The following VEPH1 variants were observed in gnomAD, a reference collection of about 807,000 sequenced individuals.
VEPH1 encodes ventricular zone-expressed PH domain-containing protein homolog 1.
A neutral mutation model predicts 85.2 loss-of-function variants in VEPH1; 80 were observed. The ratio of observed to expected loss-of-function variants is 0.94; its 90% CI spans 0.78 to 1.13. The LOEUF (loss-of-function observed/expected upper bound fraction) is 1.13, where lower values mean the gene tolerates loss of function less well. VEPH1 is among the 50% of genes most tolerant of loss of function. VEPH1 has a pLI of 0.00. For missense variants in VEPH1, 955 were observed against 980.5 expected, an observed-to-expected ratio of 0.97 and a Z score of 0.35; for synonymous variants, 297 against 348.0, an observed-to-expected ratio of 0.85 and a Z score of 1.63.
intron 2 of VEPH1, among the ~76,000 whole-genome samples, chr3:157,484,218 T>C (rs1216135040): frequency 6.6e-6 from 1 of 152,150 alleles, no homozygotes; most frequent in Non-Finnish European, 1.5e-5. Context: ...TTATTCAAAA[T>C]TAAGGGCAAA....
At chr3:157,363,205 A>AG (rs1210137583) in intron 9 of VEPH1, 159 bp downstream of exon 9, 1 of 658,388 alleles carries the variant, frequency 1.5e-6, no homozygotes, top group East Asian at 3.1e-5. Flanking sequence ...TTCTTGGGAA[A>AG]AAAAAAAAAA....
At position 157,261,249 on chromosome 3, in the gene VEPH1, G is replaced by A. The variant is rs757653945; in HGVS notation, c.2387C>T (p.Thr796Ile). Residue 796 changes from threonine (T) to isoleucine (I), a missense_variant, in exon 14 of 14, where the codon ACC becomes ATC. By Grantham distance (89) the Thr-to-Ile change is moderately conservative. Transcript: ENST00000362010. ...CTCATCCTTGGCCTTAAAGACATAG[G>A]TTTTATTGTCTGTGAAGATTTCGAA... ...RAFEIFTDNK[T>I]YVFKAKDEKN... is the part of the protein sequence containing the mutation. 6.2e-7 allele frequency: 1 copy of A among 1,613,754 alleles called. No individual in the cohort carries two copies. Among genetic ancestry groups the A allele is most frequent in the South Asian group, 1.1e-5 (1 of 91,086 alleles).
chr3:157,268,870 C>G (rs948049817), intron 12 of VEPH1, among the ~76,000 whole-genome samples: 1 of 152,182 alleles, frequency 6.6e-6, no homozygotes, highest in African/African-American at 2.4e-5. Context: ...ACCTCAGCCT[C>G]CCGAGTAGCT....
chr3:157,278,986 C>A (rs967099727), intron 12 of VEPH1, among the ~76,000 whole-genome samples: 6 of 152,040 alleles, frequency 3.9e-5, no homozygotes, highest in Non-Finnish European at 1.5e-5. Flanking sequence ...AGTTTGAGAG[C>A]AGTCTGGGCA....
intron 4 of VEPH1, among the ~76,000 whole-genome samples, chr3:157,429,922 C>T (rs1007019970): frequency 6.6e-6 from 1 of 152,118 alleles, no homozygotes; most frequent in African/African-American, 2.4e-5. Context: ...GCCCTGGGAG[C>T]CTTGAAGGGA....
chr3:157,305,402 G>A (rs1048527892), intron 11 of VEPH1, among the ~76,000 whole-genome samples: 5 of 152,082 alleles, frequency 3.3e-5, no homozygotes, highest in Non-Finnish European at 5.9e-5. Context: ...GAGCCACCGC[G>A]CCCGGCCTCT....
At chr3:157,416,341 T>C (rs1291545150) in intron 5 of VEPH1, among the ~76,000 whole-genome samples, 2 of 150,528 alleles carry the variant, frequency 1.3e-5, no homozygotes, top group East Asian at 2.0e-4. Context: ...AAACTTTAGA[T>C]TCATATCCAG....
intron 4 of VEPH1, among the ~76,000 whole-genome samples, chr3:157,449,439 C>T (rs776626884): frequency 1.3e-4 from 20 of 152,252 alleles, no homozygotes; most frequent in East Asian, 1.9e-4. Context: ...CTGTCCTTCT[C>T]TATTGTCAAT....
chr3:157,414,445 G>A (rs1237340099), intron 5 of VEPH1, among the ~76,000 whole-genome samples: 1 of 151,998 alleles, frequency 6.6e-6, no homozygotes, highest in Non-Finnish European at 1.5e-5. Context: ...CAATTTAAAG[G>A]ACAATTTAAG....
intron 12 of VEPH1, among the ~76,000 whole-genome samples, chr3:157,274,363 G>C (rs1484814227): frequency 1.3e-5 from 2 of 152,190 alleles, no homozygotes; most frequent in Admixed American, 1.3e-4. Flanking sequence ...ATATCAAAGT[G>C]TGAGGAATAG....
At chr3:157,375,801 G>A (rs951603430) in intron 7 of VEPH1, among the ~76,000 whole-genome samples, 22 of 151,812 alleles carry the variant, frequency 1.4e-4, no homozygotes, top group African/African-American at 5.3e-4. Context: ...CTGTTTTCAG[G>A]CCTGATTCTT....
intron 7 of VEPH1, among the ~76,000 whole-genome samples, chr3:157,366,894 C>T (rs990803414): frequency 1.3e-5 from 2 of 152,134 alleles, no homozygotes; most frequent in African/African-American, 2.4e-5. Context: ...TGAAGCACTG[C>T]GTTAGCAGGG....
intron 10 of VEPH1, among the ~76,000 whole-genome samples, chr3:157,315,393 A>G (rs1388195214): frequency 2.0e-5 from 3 of 152,086 alleles, no homozygotes; most frequent in Non-Finnish European, 2.9e-5. Flanking sequence ...TAAAAAACTG[A>G]TGAAGCACCC....
intron 11 of VEPH1, among the ~76,000 whole-genome samples, chr3:157,288,776 G>T (rs1393562388): frequency 6.6e-6 from 1 of 152,118 alleles, no homozygotes; most frequent in Non-Finnish European, 1.5e-5. Context: ...AATAACAAAA[G>T]GCATGCCCTG....
At chr3:157,315,973 G>T (rs1242011930) in intron 10 of VEPH1, 2 of 152,052 alleles carry the variant, frequency 1.3e-5, no homozygotes, top group Non-Finnish European at 2.9e-5. Context: ...ATACAATTTG[G>T]TTCACACCAA....
chr3:157,478,150 T>C (rs992781014), intron 2 of VEPH1, among the ~76,000 whole-genome samples: 4 of 152,126 alleles, frequency 2.6e-5, no homozygotes, highest in Non-Finnish European at 5.9e-5. Flanking sequence ...GCTCCTCCCA[T>C]TGGACAACCT....
intron 7 of VEPH1, among the ~76,000 whole-genome samples, chr3:157,368,555 G>C (rs938305383): frequency 6.6e-6 from 1 of 152,050 alleles, no homozygotes; most frequent in Non-Finnish European, 1.5e-5. Context: ...GCAGTGGAGT[G>C]ATCTTGGCTC....
At chr3:157,466,154 C>T (rs79159993) in intron 3 of VEPH1, among the ~76,000 whole-genome samples, 1,999 of 151,802 alleles carry the variant, frequency 0.013, 34 homozygotes, top group East Asian at 0.067. Context: ...TATCCTAGAA[C>T]GTAATACACA....
At chr3:157,456,234 A>G (rs1234901778) in intron 4 of VEPH1, among the ~76,000 whole-genome samples, 1 of 151,738 alleles carries the variant, frequency 6.6e-6, no homozygotes, top group Non-Finnish European at 1.5e-5. Flanking sequence ...AAATTTCTTT[A>G]AGTTTCTTAT....
Sources: allele counts gnomAD v4.1 joint callset (sites outside exome capture counted in the v4.1 genomes callset), GRCh38; gene constraint gnomAD v4.1.1; transcripts MANE v1.5; gene names NCBI Gene and HGNC (gene_info 2026-07-23, HGNC 2026-07-21).